Variants in NRG1 observed in about 807,000 individuals in gnomAD.
The protein encoded by NRG1 is neuregulin 1.
In NRG1, 18 loss-of-function variants were observed where a neutral mutation model predicts 63.8. The observed-to-expected ratio is 0.28, with a 90% CI of 0.19 to 0.42. The LOEUF is 0.42. Among genes scored for constraint, NRG1 ranks in the 10% least tolerant of loss-of-function variants. The pLI, the probability that NRG1 is intolerant of heterozygous loss-of-function variation, is 1.00. For missense variants in NRG1, 762 were observed against 814.7 expected (o/e 0.94, Z 0.79); for synonymous variants, 302 against 301.3 (o/e 1.00, Z -0.02).
At position 32,070,786 on chromosome 8, in the gene NRG1, G is replaced by A. The variant is rs888266826; in HGVS notation, c.37+431355G>A. ...TTTTACAGCATATATCAGACCATAA[G>A]GGCCTCTTGCTTATAAAGGACCAGT... On this transcript the variant is annotated intron_variant, in intron 1 of 10. Coordinates refer to the NRG1 transcript ENST00000519301. Among the ~76,000 whole-genome samples the A allele has an allele frequency of 2.0e-5, 3 of 152,138 alleles. No individual in the cohort carries two copies. In the South Asian group the frequency reaches 6.2e-4, roughly 32 times the overall value.
intron 1 of NRG1, among the ~76,000 whole-genome samples, chr8:32,384,935 C>G (rs1008427238): frequency 6.6e-6 from 1 of 152,178 alleles, no homozygotes; most frequent in Non-Finnish European, 1.5e-5. Context: ...TTTACTGATT[C>G]AAATTTTTAA....
intron 1 of NRG1, among the ~76,000 whole-genome samples, chr8:31,791,596 C>T (rs1820717139): frequency 6.6e-6 from 1 of 152,178 alleles, no homozygotes; most frequent in Non-Finnish European, 1.5e-5. Context: ...GTAGACCAAA[C>T]TTAGATTTGA....
intron 1 of NRG1, among the ~76,000 whole-genome samples, chr8:32,396,984 G>A (rs981551841): frequency 9.2e-5 from 14 of 151,888 alleles, no homozygotes; most frequent in African/African-American, 2.7e-4. Context: ...TCCCAATTCC[G>A]AAGCCATTTC....
chr8:32,429,084 G>A (rs768296749), intron 1 of NRG1, among the ~76,000 whole-genome samples: 8 of 152,080 alleles, frequency 5.3e-5, no homozygotes, highest in African/African-American at 1.2e-4. Flanking sequence ...ACATAGTCAC[G>A]TTGGACATTA....
chr8:32,317,004 C>G (rs545210850), intron 1 of NRG1, among the ~76,000 whole-genome samples: 1 of 152,152 alleles, frequency 6.6e-6, no homozygotes, highest in Non-Finnish European at 1.5e-5. Flanking sequence ...GAAAAGCAGG[C>G]CTCTGGCCTG....
Position 32,007,131 on chromosome 8 carries a change from C to A in NRG1, c.37+367700C>A, listed in dbSNP as rs115724605. Among the ~76,000 whole-genome samples, 1,014 of 152,096 alleles carry A rather than the reference C, an allele frequency of 6.7e-3. 12 individuals carry two copies. Among genetic ancestry groups the A allele is most frequent in the African/African-American group, 0.023 (965 of 41,522 alleles). On this transcript the variant is annotated intron_variant, in intron 1 of 10. Coordinates refer to the NRG1 transcript ENST00000519301. ...CCCAGACAGGATTATAAGTCTCTTT[C>A]CTTAAAAGTTTCAGTTGTTAAGATA...
intron 1 of NRG1, among the ~76,000 whole-genome samples, chr8:32,062,201 G>T (rs1823996269): frequency 6.6e-6 from 1 of 151,922 alleles, no homozygotes; most frequent in Admixed American, 6.6e-5. Context: ...CATAGAATTT[G>T]CTTGGAACGA....
chr8:32,494,524 G>A (rs1174007928), intron 1 of NRG1, among the ~76,000 whole-genome samples: 1 of 151,666 alleles, frequency 6.6e-6, no homozygotes, highest in Non-Finnish European at 1.5e-5. Context: ...TCGGGGGAGG[G>A]GATCAAAGAG....
At chr8:32,731,543 TAAAGC>T (rs1253866900) in intron 6 of NRG1, among the ~76,000 whole-genome samples, 1 of 152,200 alleles carries the variant, frequency 6.6e-6, no homozygotes, top group Non-Finnish European at 1.5e-5. Flanking sequence ...ATTCACATAT[TAAAGC>T]AAGCCAGAAC....
At chr8:31,673,275 G>C (rs2131011253) in intron 1 of NRG1, among the ~76,000 whole-genome samples, 1 of 152,198 alleles carries the variant, frequency 6.6e-6, no homozygotes, top group East Asian at 1.9e-4. Context: ...ACCTCATTTA[G>C]AGAAACACTG....
Position 32,616,821 on chromosome 8 carries a change from T to A in NRG1, c.452-14T>A. ...TGACTCAATAAAGCCTCATTCCACT[T>A]TTATGTTTTATAGAGTCTCCCATTA... On this transcript the variant is annotated splice_polypyrimidine_tract_variant and intron_variant, in intron 4 of 11. Transcript: ENST00000356819. The A allele has an allele frequency of 6.3e-7, 1 of 1,599,158 alleles. No individual in the cohort carries two copies. Among genetic ancestry groups the A allele is most frequent in the Non-Finnish European group, 8.6e-7 (1 of 1,166,762 alleles).
intron 1 of NRG1, among the ~76,000 whole-genome samples, chr8:32,190,233 A>G (rs1321521293): frequency 6.6e-6 from 1 of 151,576 alleles, no homozygotes; most frequent in Non-Finnish European, 1.5e-5. Flanking sequence ...TTTTTAAAAA[A>G]TTGCTCTCCT....
chr8:32,075,198 A>T (rs1563756511), intron 1 of NRG1, among the ~76,000 whole-genome samples: 1 of 152,186 alleles, frequency 6.6e-6, no homozygotes, highest in Non-Finnish European at 1.5e-5. Context: ...GACAACCTTA[A>T]ACATTTTTGA....
intron 1 of NRG1, among the ~76,000 whole-genome samples, chr8:32,168,034 A>T (rs1290969138): frequency 6.6e-6 from 1 of 152,168 alleles, no homozygotes; most frequent in Non-Finnish European, 1.5e-5. Flanking sequence ...GGGGAAAAAA[A>T]TATAGCTCTC....
At chr8:31,923,370 T>A (rs1182763645) in intron 1 of NRG1, among the ~76,000 whole-genome samples, 1 of 152,188 alleles carries the variant, frequency 6.6e-6, no homozygotes, top group African/African-American at 2.4e-5. Flanking sequence ...TGAGTGTATT[T>A]GTGTGTATAT....
intron 1 of NRG1, among the ~76,000 whole-genome samples, chr8:32,215,078 TAGC>T (rs1173447803): frequency 6.6e-6 from 1 of 152,238 alleles, no homozygotes; most frequent in Non-Finnish European, 1.5e-5. Context: ...AAATAATTTT[TAGC>T]AGAATTGTGT....
intron 1 of NRG1, among the ~76,000 whole-genome samples, chr8:31,793,667 T>C (rs1292380691): frequency 6.6e-6 from 1 of 152,196 alleles, no homozygotes; most frequent in Non-Finnish European, 1.5e-5. Flanking sequence ...ACTCAAGAAG[T>C]AATCTGAAGT....
chr8:32,075,909 G>A (rs1826436484), intron 1 of NRG1, among the ~76,000 whole-genome samples: 1 of 151,714 alleles, frequency 6.6e-6, no homozygotes, highest in African/African-American at 2.4e-5. Flanking sequence ...TTGACCTCAA[G>A]TGATCCGCCC....
At chr8:32,011,021 A>G (rs1755221256) in intron 1 of NRG1, among the ~76,000 whole-genome samples, 1 of 152,050 alleles carries the variant, frequency 6.6e-6, no homozygotes. Context: ...TGGGGAAGCA[A>G]TCTTTGAAAT....
Sources: gnomAD v4.1 joint callset for allele counts (sites outside exome capture counted in the v4.1 genomes callset) on GRCh38, gnomAD v4.1.1 for gene constraint, MANE v1.5 for transcripts, NCBI Gene and HGNC (gene_info 2026-07-23, HGNC 2026-07-21) for gene names.